The following XKR9 variants were observed in gnomAD, a reference collection of about 807,000 sequenced individuals.
The protein encoded by XKR9 is XK-related protein 9.
A neutral mutation model predicts 32.0 loss-of-function variants in XKR9; 32 were observed. The ratio of observed to expected loss-of-function variants is 1.00; its 90% CI spans 0.76 to 1.34. XKR9 has a LOEUF of 1.34. Ranked by LOEUF, XKR9 falls within the 40% of genes most tolerant of loss-of-function variation. XKR9 has a pLI of 0.00. For synonymous variants in XKR9, 168 were observed against 143.4 expected (o/e 1.17, Z -1.22); for missense variants, 546 against 429.7 (o/e 1.27, Z -2.39).
At chr8:70,954,161 G>A in the XKR9 span, among the ~76,000 whole-genome samples, 1 of 151,886 alleles carries the variant, frequency 6.6e-6, no homozygotes. Context: ...TGCAAAAATG[G>A]TCCTGGGTGA....
At chr8:71,057,677 G>A in the XKR9 span, among the ~76,000 whole-genome samples, 1 of 152,160 alleles carries the variant, frequency 6.6e-6, no homozygotes, top group Admixed American at 6.5e-5. Flanking sequence ...TATCCACTCT[G>A]AGAATTGTTC....
At chr8:70,983,564 T>A in the XKR9 span, among the ~76,000 whole-genome samples, 1 of 152,034 alleles carries the variant, frequency 6.6e-6, no homozygotes, top group Non-Finnish European at 1.5e-5. Context: ...GTGGATCATC[T>A]GAGGTCAGGA....
At chr8:70,718,171 C>T (rs1428347925) in intron 4 of XKR9, among the ~76,000 whole-genome samples, 2 of 152,172 alleles carry the variant, frequency 1.3e-5, no homozygotes, top group East Asian at 3.9e-4. Context: ...TCAAACTATC[C>T]CACATTTTCC....
the XKR9 span, among the ~76,000 whole-genome samples, chr8:70,830,724 C>T: frequency 2.6e-5 from 4 of 152,194 alleles, no homozygotes; most frequent in African/African-American, 7.2e-5. Context: ...GTTTACAAAA[C>T]ACTTCTAACA....
the XKR9 span, among the ~76,000 whole-genome samples, chr8:70,940,160 C>G: frequency 2.0e-5 from 3 of 151,986 alleles, no homozygotes; most frequent in Admixed American, 6.6e-5. Flanking sequence ...ATTTCTAAAT[C>G]TTTTCCTCCT....
the XKR9 span, among the ~76,000 whole-genome samples, chr8:70,859,164 A>C: frequency 1.3e-5 from 2 of 152,124 alleles, no homozygotes; most frequent in African/African-American, 2.4e-5. Context: ...GCAAAAAACC[A>C]AATAATCCAA....
the XKR9 span, among the ~76,000 whole-genome samples, chr8:71,032,575 A>G: frequency 1.3e-5 from 2 of 152,146 alleles, no homozygotes; most frequent in Non-Finnish European, 2.9e-5. Flanking sequence ...TTACTTAATG[A>G]TAAGGGCTTG....
chr8:71,054,049 G>C, the XKR9 span, among the ~76,000 whole-genome samples: 623 of 152,300 alleles, frequency 4.1e-3, 2 homozygotes, highest in South Asian at 0.028. Flanking sequence ...TTCCAGCTCA[G>C]TTGAACCCCA....
At chr8:70,921,668 T>G in the XKR9 span, among the ~76,000 whole-genome samples, 2 of 152,244 alleles carry the variant, frequency 1.3e-5, no homozygotes, top group Non-Finnish European at 2.9e-5. Flanking sequence ...TGATGGGCTG[T>G]GTAATTTTAT....
At chr8:70,825,650 TC>T in the XKR9 span, among the ~76,000 whole-genome samples, 1 of 152,102 alleles carries the variant, frequency 6.6e-6, no homozygotes, top group Non-Finnish European at 1.5e-5. Flanking sequence ...CTGAAGAGCT[TC>T]TTTTAACTTG....
At chr8:70,766,748 CTTA>C (rs568062366) in intron 2 of XKR9, among the ~76,000 whole-genome samples, 168 of 152,198 alleles carry the variant, frequency 1.1e-3, no homozygotes, top group African/African-American at 3.7e-3. Context: ...ATAAATAGCT[CTTA>C]TTATTTTGAG....
In XKR9 at chr8:70,756,022, T is replaced by A. The variant is rs145432367; in HGVS notation, n.353-33317T>A. 5.4e-3 allele frequency among the ~76,000 whole-genome samples: 826 copies of A among 152,296 alleles called. 10 individuals carry two copies. Among genetic ancestry groups the A allele is most frequent in the African/African-American group, 0.019 (777 of 41,582 alleles). ...TATATGCATTAGATTTACATTTAGG[T>A]CTTTGATGTATTTGGAGTTGATTTG... On this transcript the variant is annotated intron_variant and non_coding_transcript_variant, in intron 2 of 3. Coordinates refer to the XKR9 transcript ENST00000520273.
chr8:70,786,800 A>T (rs1166768450), intron 2 of XKR9, among the ~76,000 whole-genome samples: 1 of 152,052 alleles, frequency 6.6e-6, no homozygotes, highest in African/African-American at 2.4e-5. Context: ...TACTACTGCC[A>T]TTTTGTTAGT....
chr8:70,904,391 G>T, the XKR9 span, among the ~76,000 whole-genome samples: 1 of 151,980 alleles, frequency 6.6e-6, no homozygotes, highest in Non-Finnish European at 1.5e-5. Flanking sequence ...TGTCTCTTTT[G>T]ATCTTTGTTG....
the XKR9 span, among the ~76,000 whole-genome samples, chr8:70,829,699 C>T: frequency 6.6e-5 from 10 of 152,214 alleles, no homozygotes; most frequent in Non-Finnish European, 1.0e-4. Flanking sequence ...CCTCCTCCCT[C>T]GGCCTCCCAA....
chr8:70,839,222 A>G, the XKR9 span, among the ~76,000 whole-genome samples: 2 of 152,258 alleles, frequency 1.3e-5, no homozygotes, highest in Admixed American at 6.5e-5. Context: ...CCTAAAACCC[A>G]TATTGTGTCT....
the XKR9 span, among the ~76,000 whole-genome samples, chr8:70,863,387 C>G: frequency 1.3e-5 from 2 of 152,170 alleles, no homozygotes; most frequent in African/African-American, 2.4e-5. Flanking sequence ...TAGTAGGACA[C>G]TAATTTAAAG....
the XKR9 span, among the ~76,000 whole-genome samples, chr8:70,871,850 G>A: frequency 2.0e-5 from 3 of 152,232 alleles, no homozygotes; most frequent in South Asian, 2.1e-4. Flanking sequence ...TAGACTTCTT[G>A]TGCCAAACAT....
intron 4 of XKR9, among the ~76,000 whole-genome samples, chr8:70,721,840 C>G (rs958186885): frequency 6.6e-6 from 1 of 152,124 alleles, no homozygotes; most frequent in South Asian, 2.1e-4. Flanking sequence ...GAGCTGAGTT[C>G]AAGTCCTGAA....
Sources: allele counts gnomAD v4.1 joint callset (sites outside exome capture counted in the v4.1 genomes callset), GRCh38; gene constraint gnomAD v4.1.1; transcripts MANE v1.5; gene names NCBI Gene and HGNC (gene_info 2026-07-23, HGNC 2026-07-21).